OTC: variants seen among roughly 807,000 people sequenced by gnomAD.
OTC encodes ornithine transcarbamylase, mitochondrial.
Under a neutral mutation model 30.3 loss-of-function variants are expected in OTC, and 3 were observed. That is an observed-to-expected ratio of 0.10 (90% CI 0.05 to 0.26). OTC has a LOEUF of 0.26. OTC is among the 10% of genes least tolerant of loss of function. OTC has a pLI of 1.00. For synonymous variants in OTC, 111 were observed against 99.7 expected, an observed-to-expected ratio of 1.11 and a Z score of -0.67; for missense variants, 194 against 260.3, an observed-to-expected ratio of 0.75 and a Z score of 1.75.
intron 4 of OTC, among the ~76,000 whole-genome samples, chrX:38,389,131 C>T (rs752866135): frequency 9.0e-6 from 1 of 111,692 alleles, no homozygotes; most frequent in East Asian, 2.8e-4. Flanking sequence ...AATTTAGGAC[C>T]TACCCTACTC....
intron 8 of OTC, among the ~76,000 whole-genome samples, chrX:38,409,322 G>T (rs1253847131): frequency 1.8e-5 from 2 of 111,968 alleles, no homozygotes; most frequent in African/African-American, 6.5e-5. Flanking sequence ...AGAGAAATTA[G>T]GTTACTTCTG....
the OTC span, among the ~76,000 whole-genome samples, chrX:38,332,543 T>C: frequency 1.1e-5 from 1 of 93,579 alleles, no homozygotes; most frequent in East Asian, 3.4e-4. Context: ...TCATATAACA[T>C]AATACTATAG....
chrX:38,351,703 T>A (rs1289807398), upstream of OTC, among the ~76,000 whole-genome samples: 1 of 111,997 alleles, frequency 8.9e-6, no homozygotes, highest in Non-Finnish European at 1.9e-5. Flanking sequence ...ACTTCCCACT[T>A]GTACTGACTG....
the OTC span, among the ~76,000 whole-genome samples, chrX:38,341,920 C>A: frequency 1.9e-5 from 2 of 107,397 alleles, no homozygotes; most frequent in African/African-American, 6.7e-5. Context: ...CTAGTTTAGA[C>A]GACAAGAGTG....
chrX:38,355,768 G>C (rs1602009953), intron 1 of OTC, among the ~76,000 whole-genome samples: 2 of 112,600 alleles, frequency 1.8e-5, no homozygotes, highest in Middle Eastern at 9.2e-3. Flanking sequence ...TGGGTGCAGT[G>C]GCTCATGCTT....
At chrX:38,388,243 C>T (rs1438455873) in intron 4 of OTC, among the ~76,000 whole-genome samples, 1 of 111,699 alleles carries the variant, frequency 9.0e-6, no homozygotes, top group Non-Finnish European at 1.9e-5. Context: ...GGCCTAGGTT[C>T]CCCTGGATAG....
intron 2 of OTC, among the ~76,000 whole-genome samples, chrX:38,369,540 G>A (rs1220851426): frequency 8.0e-5 from 8 of 99,581 alleles, no homozygotes; most frequent in African/African-American, 3.0e-4. Flanking sequence ...TTGGTATTTT[G>A]AGTAGAGATG....
chrX:38,367,227 A>C, intron 1 of OTC, 64 bp from the exon 2 acceptor site: 1 of 967,490 alleles, frequency 1.0e-6, no homozygotes, highest in Non-Finnish European at 1.5e-6. Context: ...AAAACAATGA[A>C]TCACCATAGT....
chrX:38,362,571 G>A (rs2068277540), intron 1 of OTC, among the ~76,000 whole-genome samples: 1 of 112,455 alleles, frequency 8.9e-6, no homozygotes, highest in Non-Finnish European at 1.9e-5. Flanking sequence ...CAGGATGTTT[G>A]TGTGTTCTTT....
intron 1 of OTC, among the ~76,000 whole-genome samples, chrX:38,356,687 CG>C (rs2068243590): frequency 9.1e-6 from 1 of 110,280 alleles, no homozygotes; most frequent in Non-Finnish European, 1.9e-5. Context: ...GGGGAAAGGG[CG>C]GGCCTCATCC....
intron 1 of OTC, among the ~76,000 whole-genome samples, chrX:38,363,266 A>G (rs752965692): frequency 3.4e-4 from 38 of 112,137 alleles, no homozygotes; most frequent in African/African-American, 1.1e-3. Flanking sequence ...CCAGCAAAGT[A>G]TTCTTCCCCT....
intron 6 of OTC, among the ~76,000 whole-genome samples, chrX:38,408,111 C>T (rs1415946714): frequency 8.9e-6 from 1 of 112,365 alleles, no homozygotes; most frequent in Non-Finnish European, 1.9e-5. Context: ...TGACTCTGCC[C>T]TCACCAAACC....
intron 9 of OTC, among the ~76,000 whole-genome samples, chrX:38,413,665 A>ATTTTTTTTTTTTT (rs11397097): frequency 1.0e-5 from 1 of 97,196 alleles, no homozygotes. Flanking sequence ...TGGCACATCT[A>ATTTTTTTTTTTTT]TTTTTTTTTT....
At chrX:38,407,901 G>A (rs2068522978) in intron 6 of OTC, among the ~76,000 whole-genome samples, 1 of 111,564 alleles carries the variant, frequency 9.0e-6, no homozygotes, top group Non-Finnish European at 1.9e-5. Flanking sequence ...GGCTGCCTGT[G>A]GGAATCTGGG....
chrX:38,354,147 G>A (rs898434916), intron 1 of OTC, among the ~76,000 whole-genome samples: 1 of 112,117 alleles, frequency 8.9e-6, no homozygotes. Context: ...AATATTAATT[G>A]AACATCTACT....
At chrX:38,370,293 T>C (rs190573388) in intron 3 of OTC, among the ~76,000 whole-genome samples, 1 of 112,382 alleles carries the variant, frequency 8.9e-6, no homozygotes, top group East Asian at 2.8e-4. Context: ...TCAGTTGTTT[T>C]ATGGTTTATT....
the OTC span, among the ~76,000 whole-genome samples, chrX:38,337,712 A>G: frequency 6.3e-5 from 7 of 111,796 alleles, no homozygotes; most frequent in South Asian, 3.8e-4. Context: ...ACCTTCATCA[A>G]TCATCCTTAC....
At chrX:38,397,566 C>G (rs1396783582) in intron 4 of OTC, among the ~76,000 whole-genome samples, 1 of 112,125 alleles carries the variant, frequency 8.9e-6, no homozygotes, top group Non-Finnish European at 1.9e-5. Flanking sequence ...CTTGGGACTT[C>G]TCTTGCTAGC....
chrX:38,400,063 C>G (rs773911638), intron 4 of OTC, among the ~76,000 whole-genome samples: 2 of 110,742 alleles, frequency 1.8e-5, no homozygotes, highest in Non-Finnish European at 3.8e-5. Context: ...TTGAAATTGT[C>G]TTTCACACCT....
Sources: allele counts gnomAD v4.1 joint callset (sites outside exome capture counted in the v4.1 genomes callset), GRCh38; gene constraint gnomAD v4.1.1; transcripts MANE v1.5; gene names NCBI Gene and HGNC (gene_info 2026-07-23, HGNC 2026-07-21).